The following NAA60 variants were observed in gnomAD, a reference collection of about 807,000 sequenced individuals.
NAA60 encodes the protein N-alpha-acetyltransferase 60, NatF catalytic subunit.
A neutral mutation model predicts 26.1 loss-of-function variants in NAA60; 8 were observed. The ratio of observed to expected loss-of-function variants is 0.31; its 90% CI spans 0.18 to 0.55. NAA60 has a LOEUF of 0.55. NAA60 is among the 20% of genes least tolerant of loss of function. The pLI is 0.93. For missense variants in NAA60, 290 were observed against 311.3 expected, an observed-to-expected ratio of 0.93 and a Z score of 0.51; for synonymous variants, 131 against 122.5, an observed-to-expected ratio of 1.07 and a Z score of -0.46.
At chr16:3,470,258 TG>T (rs1409844350) in intron 2 of NAA60, among the ~76,000 whole-genome samples, 1 of 152,150 alleles carries the variant, frequency 6.6e-6, no homozygotes, top group African/African-American at 2.4e-5. Flanking sequence ...CAGACAATGC[TG>T]GGGGAGCAGC....
Position 3,484,935 on chromosome 16 carries a change from G to T in NAA60, c.*80G>T, listed in dbSNP as rs973691362. 3 of 1,540,468 alleles carry T rather than the reference G, an allele frequency of 1.9e-6. No homozygotes were observed. Among genetic ancestry groups the T allele is most frequent in the East Asian group, 2.4e-5 (1 of 40,850 alleles). On this transcript the variant is annotated 3_prime_UTR_variant, in exon 7 of 8. Coordinates refer to ENST00000407558, the MANE Select transcript of NAA60 (RefSeq NM_001083601.3). ...CCTTCCTGTCCATCTGACCCCTTCT[G>T]TTTTCTGCAAGGAGCTGCCAGCCAT...
In NAA60 at chr16:3,486,931, CAAAT is replaced by C. The variant is rs968722087; in HGVS notation, c.*1677_*1680del. The C allele has an allele frequency of 6.6e-6, 1 of 152,564 alleles. No individual in the cohort carries two copies. Among genetic ancestry groups the C allele is most frequent in the Non-Finnish European group, 1.5e-5 (1 of 68,082 alleles). The allele number at this position is 152,564 out of a possible 1,614,324, so 9.5% of individuals were successfully genotyped here. ...TTGTAGCGTTCTGTCTCATTACGAG[CAAAT>C]AAATAGACTTTCATTGGAGTTCGTC... On this transcript the variant is annotated 3_prime_UTR_variant, in exon 8 of 8. Transcript: ENST00000407558.
intron 2 of NAA60, among the ~76,000 whole-genome samples, chr16:3,455,177 G>A (rs1286066889): frequency 4.6e-5 from 7 of 151,298 alleles, no homozygotes; most frequent in Admixed American, 1.3e-4. Context: ...TCAGACTCCC[G>A]AATAGCTGGG....
intron 2 of NAA60, among the ~76,000 whole-genome samples, chr16:3,464,412 G>A (rs192341264): frequency 3.9e-4 from 59 of 152,310 alleles, no homozygotes; most frequent in South Asian, 3.5e-3. Flanking sequence ...CCAGCAGATG[G>A]TGAGGGAAAG....
Position 3,479,391 on chromosome 16 carries a change from C to G in NAA60, c.111-80C>G, listed in dbSNP as rs534657448. The G allele has an allele frequency of 5.3e-6, 8 of 1,512,628 alleles. No individual in the cohort carries two copies. The African/African-American group carries it at 9.6e-5, about 18-fold the overall frequency. 93.7% of individuals were successfully genotyped at this position (1,512,628 alleles called of 1,614,324 possible). On this transcript the variant is annotated intron_variant, in intron 3 of 7. Transcript: ENST00000407558. ...GCAGGCAGAAGTGGCCCAGAGCTCC[C>G]TGTGGTTCTGATGTCTAGAGCACGA...
chr16:3,486,384 C>T lies in NAA60; in HGVS notation c.*1124C>T, dbSNP rs1005102551. The T allele has an allele frequency of 2.0e-5, 3 of 153,038 alleles. No homozygotes were observed. Among genetic ancestry groups the T allele is most frequent in the Non-Finnish European group, 2.9e-5 (2 of 68,658 alleles). The allele number at this position is 153,038 out of a possible 1,614,324, so 9.5% of individuals were successfully genotyped here. ...AAGCCATGGCAGAGGGTCCTAGCGG[C>T]GCCACCCTGCCCCAGCCTGAGGAGG... On this transcript the variant is annotated 3_prime_UTR_variant, in exon 8 of 8. Transcript: ENST00000407558.
intron 1 of NAA60, among the ~76,000 whole-genome samples, chr16:3,444,385 G>A (rs1273433527): frequency 6.6e-6 from 1 of 151,894 alleles, no homozygotes; most frequent in Non-Finnish European, 1.5e-5. Context: ...TAACTCAGAG[G>A]GTAATTTCAA....
chr16:3,482,356 C>T (rs935410023), intron 4 of NAA60, 146 bp from the exon 5 acceptor site: 3 of 681,324 alleles, frequency 4.4e-6, no homozygotes, highest in South Asian at 1.7e-5. Context: ...GGGGGCCCCT[C>T]TCCAGTACCT....
intron 2 of NAA60, among the ~76,000 whole-genome samples, chr16:3,474,620 C>T (rs1447663815): frequency 1.3e-5 from 2 of 152,216 alleles, no homozygotes; most frequent in Non-Finnish European, 2.9e-5. Context: ...CTCGCCCTGC[C>T]AGTGGAGTGG....
intron 1 of NAA60, among the ~76,000 whole-genome samples, chr16:3,445,679 C>T (rs2034523893): frequency 6.6e-6 from 1 of 152,038 alleles, no homozygotes; most frequent in African/African-American, 2.4e-5. Flanking sequence ...CCGTGGCTCT[C>T]TTCTTTAAAT....
intron 2 of NAA60, among the ~76,000 whole-genome samples, chr16:3,459,388 T>G (rs138847305): frequency 1.4e-3 from 213 of 152,282 alleles, no homozygotes; most frequent in African/African-American, 5.0e-3. Flanking sequence ...AAAAAGCATC[T>G]GGGGCAAAAA....
chr16:3,464,914 G>C (rs1039827445), intron 2 of NAA60, among the ~76,000 whole-genome samples: 8 of 152,172 alleles, frequency 5.3e-5, no homozygotes, highest in African/African-American at 1.7e-4. Flanking sequence ...GTCTCAAGCT[G>C]CTCTTTCAGT....
At chr16:3,475,604 G>A (rs1157815451) in intron 2 of NAA60, among the ~76,000 whole-genome samples, 2 of 152,066 alleles carry the variant, frequency 1.3e-5, no homozygotes, top group East Asian at 1.9e-4. Context: ...TTGGCCACTC[G>A]TGACCCCGAC....
intron 2 of NAA60, among the ~76,000 whole-genome samples, chr16:3,471,535 G>A (rs184024401): frequency 1.3e-5 from 2 of 152,128 alleles, no homozygotes; most frequent in East Asian, 1.9e-4. Context: ...GATCTGGAAC[G>A]TTTTCGTCCC....
At chr16:3,471,030 T>G (rs2036104326) in intron 2 of NAA60, among the ~76,000 whole-genome samples, 1 of 152,170 alleles carries the variant, frequency 6.6e-6, no homozygotes, top group Admixed American at 6.5e-5. Flanking sequence ...AGTAGGGATT[T>G]GAAAATCCGC....
At chr16:3,456,235 A>G (rs1271208498) in intron 2 of NAA60, among the ~76,000 whole-genome samples, 1 of 152,164 alleles carries the variant, frequency 6.6e-6, no homozygotes, top group African/African-American at 2.4e-5. Flanking sequence ...ATTCTGAATT[A>G]AGTGCCCATT....
At chr16:3,480,751 A>C (rs1439596383) in intron 4 of NAA60, among the ~76,000 whole-genome samples, 6 of 152,082 alleles carry the variant, frequency 3.9e-5, no homozygotes, top group African/African-American at 1.4e-4. Flanking sequence ...AAAAGTAAAA[A>C]ATAAATTAGC....
intron 4 of NAA60, 88 bp from the exon 5 acceptor site, chr16:3,482,414 G>C (rs1271231072): frequency 9.2e-7 from 1 of 1,085,384 alleles, no homozygotes; most frequent in Non-Finnish European, 1.4e-6. Context: ...GTCGTGGGAA[G>C]TCGGTGCGGA....
At chr16:3,471,393 C>T (rs936497963) in intron 2 of NAA60, among the ~76,000 whole-genome samples, 1 of 152,076 alleles carries the variant, frequency 6.6e-6, no homozygotes, top group Non-Finnish European at 1.5e-5. Context: ...GTCTCAGCTA[C>T]TCGGGAGGCT....
Sources: gnomAD v4.1 joint callset for allele counts (sites outside exome capture counted in the v4.1 genomes callset) on GRCh38, gnomAD v4.1.1 for gene constraint, MANE v1.5 for transcripts, NCBI Gene and HGNC (gene_info 2026-07-23, HGNC 2026-07-21) for gene names.